TENM4: variants seen among roughly 807,000 people sequenced by gnomAD.
TENM4 encodes teneurin-4.
A neutral mutation model predicts 243.3 loss-of-function variants in TENM4; 82 were observed. The observed-to-expected ratio is 0.34, with a 90% confidence interval of 0.28 to 0.40. The LOEUF (loss-of-function observed/expected upper bound fraction) is 0.40. TENM4 is among the 10% of genes least tolerant of loss of function. The pLI, the probability that TENM4 is intolerant of heterozygous loss-of-function variation, is 1.00. For synonymous variants in TENM4, 1,412 were observed against 1,456.3 expected, an observed-to-expected ratio of 0.97 and a Z score of 0.69; for missense variants, 3,138 against 3,673.3, an observed-to-expected ratio of 0.85 and a Z score of 3.77.
At chr11:79,276,615 A>G (rs1452077201) in intron 2 of TENM4, among the ~76,000 whole-genome samples, 1 of 152,194 alleles carries the variant, frequency 6.6e-6, no homozygotes, top group African/African-American at 2.4e-5. Context: ...ACACAGCCAG[A>G]AACATGCTCT....
intron 9 of TENM4, among the ~76,000 whole-genome samples, chr11:78,873,226 G>A (rs943186871): frequency 6.6e-6 from 1 of 152,140 alleles, no homozygotes; most frequent in African/African-American, 2.4e-5. Flanking sequence ...CTTCTTGTTT[G>A]ATTACACACA....
chr11:79,370,779 T>TA (rs544196671), intron 1 of TENM4, among the ~76,000 whole-genome samples: 2,927 of 57,032 alleles, frequency 0.051, 224 homozygotes, highest in Middle Eastern at 0.11. Flanking sequence ...ACTCCTATGG[T>TA]AAAAAAAAAA....
intron 2 of TENM4, among the ~76,000 whole-genome samples, chr11:79,221,913 C>T (rs1864164244): frequency 6.6e-6 from 1 of 152,196 alleles, no homozygotes; most frequent in African/African-American, 2.4e-5. Context: ...GTGTTTGCCT[C>T]TGCCAGGGCA....
intron 3 of TENM4, among the ~76,000 whole-genome samples, chr11:79,158,454 C>T (rs559198700): frequency 9.9e-5 from 15 of 152,172 alleles, no homozygotes; most frequent in African/African-American, 3.6e-4. Context: ...CCTGAGAAGC[C>T]TCCAGGTCCT....
intron 3 of TENM4, among the ~76,000 whole-genome samples, chr11:79,189,457 T>C (rs1450464660): frequency 6.6e-6 from 1 of 152,206 alleles, no homozygotes; most frequent in Non-Finnish European, 1.5e-5. Flanking sequence ...GTCCTGTTCT[T>C]TTCTGGTTCC....
intron 6 of TENM4, among the ~76,000 whole-genome samples, chr11:79,019,025 G>T (rs939602708): frequency 6.6e-5 from 10 of 152,120 alleles, no homozygotes; most frequent in African/African-American, 2.4e-4. Flanking sequence ...CCTATTCCAT[G>T]GTAGTGGTTT....
chr11:79,015,477 A>AGTGTGTGTGTGTGT (rs113872101), intron 6 of TENM4, among the ~76,000 whole-genome samples: 6,948 of 147,124 alleles, frequency 0.047, 182 homozygotes, highest in Non-Finnish European at 0.057. Context: ...AAAGTCATTT[A>AGTGTGTGTGTGTGT]GTGTGTGTGT....
Position 79,440,985 on chromosome 11 carries a change from GAGAGAC to G in TENM4, c.-803_-798del. Reference sequence around the variant, plus strand: ...ACACAGAAAGAGAGGGCGAGCGAGAGAGAGACACACACACACACGCACACGCACACG... The same window carrying G: ...ACACAGAAAGAGAGGGCGAGCGAGAGACACACACACACGCACACGCACACG... On this transcript the variant is annotated 5_prime_UTR_variant, in exon 1 of 34. Coordinates refer to ENST00000278550, the MANE Select transcript of TENM4 (RefSeq NM_001098816.3). This position sits in a 1 kb window ranked among gnomAD's most constrained non-coding sequence, Gnocchi z 4.7. The G allele has an allele frequency of 6.6e-6, 1 of 152,074 alleles. No individual in the cohort carries two copies. The highest frequency in any genetic ancestry group is 1.5e-5 in the Non-Finnish European group (1 of 68,072). 9.4% of individuals were successfully genotyped at this position (152,074 alleles called of 1,614,324 possible).
chr11:78,931,758 G>T (rs562961648), intron 6 of TENM4, among the ~76,000 whole-genome samples: 2 of 152,180 alleles, frequency 1.3e-5, no homozygotes, highest in African/African-American at 2.4e-5. Flanking sequence ...GATTTCCACC[G>T]GGGCTAGGTG....
intron 29 of TENM4, among the ~76,000 whole-genome samples, chr11:78,683,750 C>G (rs530504641): frequency 2.0e-5 from 3 of 152,048 alleles, no homozygotes; most frequent in African/African-American, 4.8e-5. Context: ...GCGTCGCTCA[C>G]GCTGGGAGCT....
intron 1 of TENM4, among the ~76,000 whole-genome samples, chr11:79,381,040 A>G (rs1857990382): frequency 6.6e-6 from 1 of 152,140 alleles, no homozygotes; most frequent in Non-Finnish European, 1.5e-5. Context: ...CTAGAACACA[A>G]CAGGCCTCTC....
chr11:78,901,331 C>A (rs147822652), intron 7 of TENM4, among the ~76,000 whole-genome samples: 1 of 151,976 alleles, frequency 6.6e-6, no homozygotes, highest in African/African-American at 2.4e-5. Context: ...AGCTGTTTTA[C>A]AATGAACATT....
chr11:78,724,716 C>A (rs1043541727), intron 23 of TENM4, among the ~76,000 whole-genome samples: 1 of 152,212 alleles, frequency 6.6e-6, no homozygotes, highest in African/African-American at 2.4e-5. Flanking sequence ...AGACCACGAT[C>A]CCTGGCTCCA....
At chr11:78,864,866 C>T (rs974655100) in intron 9 of TENM4, among the ~76,000 whole-genome samples, 16 of 152,104 alleles carry the variant, frequency 1.1e-4, no homozygotes, top group African/African-American at 3.4e-4. Context: ...GAGCTCACAG[C>T]CAAGTAGGGA....
chr11:78,997,305 A>G (rs940440174), intron 6 of TENM4, among the ~76,000 whole-genome samples: 4 of 152,352 alleles, frequency 2.6e-5, no homozygotes, highest in African/African-American at 9.6e-5. Context: ...AGACTCAGGC[A>G]AATCCCATCA....
chr11:79,193,662 A>G (rs373213204), intron 3 of TENM4, among the ~76,000 whole-genome samples: 12 of 152,306 alleles, frequency 7.9e-5, no homozygotes, highest in African/African-American at 2.4e-4. Context: ...GACACTTACC[A>G]AAGAGTGAAG....
At chr11:79,214,349 A>G (rs1864009882) in intron 3 of TENM4, among the ~76,000 whole-genome samples, 1 of 152,190 alleles carries the variant, frequency 6.6e-6, no homozygotes, top group Admixed American at 6.5e-5. Flanking sequence ...TCTACTGCAC[A>G]GCATTGATCT....
chr11:78,762,938 C>T (rs1474098157), intron 18 of TENM4, among the ~76,000 whole-genome samples: 2 of 152,088 alleles, frequency 1.3e-5, no homozygotes, highest in African/African-American at 4.8e-5. Flanking sequence ...AGACTAGAAA[C>T]ATATTAATAC....
intron 10 of TENM4, among the ~76,000 whole-genome samples, chr11:78,860,080 T>A (rs564234564): frequency 1.3e-4 from 20 of 152,366 alleles, no homozygotes; most frequent in East Asian, 7.7e-4. Flanking sequence ...TCTTGGATTA[T>A]CATACATTTA....
Sources: allele counts gnomAD v4.1 joint callset (sites outside exome capture counted in the v4.1 genomes callset), GRCh38; gene constraint gnomAD v4.1.1; non-coding constraint Gnocchi (gnomAD v3.1); transcripts MANE v1.5; gene names NCBI Gene and HGNC (gene_info 2026-07-23, HGNC 2026-07-21).